The following SNX29 variants were observed in gnomAD, a reference collection of about 807,000 sequenced individuals.
The protein encoded by SNX29 is sorting nexin 29.
SNX29 carries 78 observed loss-of-function variants against 102.1 expected under a neutral mutation model. The observed-to-expected ratio is 0.76, with a 90% CI of 0.64 to 0.92. SNX29 has a LOEUF of 0.92. Ranked by LOEUF, SNX29 falls within the 40% of genes least tolerant of loss-of-function variation. The probability of loss-of-function intolerance (pLI) is 0.00; values close to 1 mark genes in which losing one functional copy is unlikely to be tolerated. For missense variants in SNX29, 1,280 were observed against 1,061.7 expected (o/e 1.21, Z -2.86); for synonymous variants, 580 against 414.5 (o/e 1.40, Z -4.85).
chr16:12,355,869 A>G (rs1325667690), intron 15 of SNX29, among the ~76,000 whole-genome samples: 1 of 127,090 alleles, frequency 7.9e-6, no homozygotes, highest in East Asian at 2.2e-4. Flanking sequence ...AAAAAAAAAA[A>G]AAAAAAAGAG....
At chr16:12,533,743 A>G (rs1352888644) in intron 20 of SNX29, among the ~76,000 whole-genome samples, 1 of 152,070 alleles carries the variant, frequency 6.6e-6, no homozygotes, top group Non-Finnish European at 1.5e-5. Flanking sequence ...GGGTCATATA[A>G]GTGAATTAAG....
Position 12,259,222 on chromosome 16 carries a change from CCTT to C in SNX29, c.1679-18708_1679-18706del, listed in dbSNP as rs1431428378. The stretch of plus-strand genomic sequence containing the variant: ...ATATCGTTCCGATTTGTCAAGGTCT[CCTT>C]CTCAACGTGGGGAAAAAAAATGCAC... On this transcript the variant is annotated intron_variant, in intron 14 of 20. Transcript: ENST00000566228. Among the ~76,000 whole-genome samples, 23 of 152,318 alleles carry C rather than the reference CCTT, an allele frequency of 1.5e-4. 2 individuals carry two copies. Among genetic ancestry groups the C allele is most frequent in the Admixed American group, 1.4e-3 (21 of 15,302 alleles).
intron 14 of SNX29, among the ~76,000 whole-genome samples, chr16:12,249,789 G>T (rs576480105): frequency 6.6e-6 from 1 of 152,196 alleles, no homozygotes; most frequent in East Asian, 1.9e-4. Context: ...CACTGTATAC[G>T]CTACTGGGTG....
At chr16:12,074,804 A>G (rs561923565) in intron 10 of SNX29, among the ~76,000 whole-genome samples, 74 of 152,290 alleles carry the variant, frequency 4.9e-4, no homozygotes, top group African/African-American at 1.5e-3. Flanking sequence ...AGGTACACCA[A>G]TCAGATGCAG....
At chr16:12,019,446 C>A (rs1164703636) in intron 3 of SNX29, among the ~76,000 whole-genome samples, 5 of 152,010 alleles carry the variant, frequency 3.3e-5, no homozygotes, top group Non-Finnish European at 7.4e-5. Context: ...ACCTCGTGAT[C>A]TGCCCGCCTC....
chr16:12,041,852 GAT>G (rs763134959), intron 4 of SNX29, among the ~76,000 whole-genome samples: 5 of 152,114 alleles, frequency 3.3e-5, no homozygotes, highest in Non-Finnish European at 7.4e-5. Context: ...TTAGGACGTC[GAT>G]ATGTTTGAGG....
intron 20 of SNX29, among the ~76,000 whole-genome samples, chr16:12,561,758 T>C (rs983151066): frequency 6.6e-6 from 1 of 152,094 alleles, no homozygotes; most frequent in Non-Finnish European, 1.5e-5. Context: ...GTTTCTGAAA[T>C]GAACACCAAA....
At chr16:12,345,907 G>C (rs2081786007) in intron 15 of SNX29, among the ~76,000 whole-genome samples, 1 of 152,162 alleles carries the variant, frequency 6.6e-6, no homozygotes, top group Non-Finnish European at 1.5e-5. Context: ...GTGGACAAAT[G>C]TGAATGTGGA....
chr16:12,382,235 A>T (rs1432632202), intron 16 of SNX29, among the ~76,000 whole-genome samples: 1 of 152,152 alleles, frequency 6.6e-6, no homozygotes, highest in East Asian at 1.9e-4. Flanking sequence ...GGGAAGTCGT[A>T]TTTCCCTGTT....
intron 14 of SNX29, among the ~76,000 whole-genome samples, chr16:12,247,150 G>T (rs192644425): frequency 6.6e-6 from 1 of 152,274 alleles, no homozygotes; most frequent in Admixed American, 6.5e-5. Flanking sequence ...CCTATACGAC[G>T]GGGAGAGAAT....
chr16:12,224,202 C>T (rs759043196), intron 14 of SNX29, among the ~76,000 whole-genome samples: 7 of 152,204 alleles, frequency 4.6e-5, no homozygotes, highest in Non-Finnish European at 7.3e-5. Context: ...CTTCAGGAGT[C>T]GAGTAGATGT....
At chr16:12,040,271 G>A (rs967330564) in intron 4 of SNX29, among the ~76,000 whole-genome samples, 36 of 152,094 alleles carry the variant, frequency 2.4e-4, no homozygotes, top group Non-Finnish European at 5.9e-5. Flanking sequence ...TCAGCTACTC[G>A]GGAGGCTGAG....
chr16:12,104,244 C>T (rs967659142), intron 11 of SNX29, among the ~76,000 whole-genome samples: 1 of 152,124 alleles, frequency 6.6e-6, no homozygotes, highest in Non-Finnish European at 1.5e-5. Flanking sequence ...GGCTATGGTT[C>T]TTTGAGGTCA....
intron 19 of SNX29, among the ~76,000 whole-genome samples, chr16:12,509,291 C>G (rs977072814): frequency 1.3e-5 from 2 of 152,150 alleles, no homozygotes; most frequent in African/African-American, 4.8e-5. Context: ...GGAAGGGCAC[C>G]AGGCATGCCA....
intron 15 of SNX29, among the ~76,000 whole-genome samples, chr16:12,301,771 G>A (rs1003670097): frequency 2.0e-5 from 3 of 152,178 alleles, no homozygotes; most frequent in African/African-American, 7.2e-5. Context: ...TAACATTCTG[G>A]TGTTTCTCTG....
chr16:12,508,287 C>T lies in SNX29; in HGVS notation c.2179-16415C>T, dbSNP rs566049460. 8.3e-4 allele frequency among the ~76,000 whole-genome samples: 127 copies of T among 152,200 alleles called. 1 individual carries two copies. Among genetic ancestry groups the T allele is most frequent in the Non-Finnish European group, 1.3e-3 (91 of 68,038 alleles). ...GGAGGGCGAGCTGGGCCCCATGCTT[C>T]CCAGCGTGTCTGGATTGTTTCTGTA... is the stretch of plus-strand genomic sequence containing the variant. On this transcript the variant is annotated intron_variant, in intron 19 of 20. Transcript: ENST00000566228.
chr16:12,239,784 C>T (rs986122193), intron 14 of SNX29, among the ~76,000 whole-genome samples: 4 of 151,410 alleles, frequency 2.6e-5, no homozygotes, highest in Non-Finnish European at 4.4e-5. Context: ...CATGCCACTG[C>T]ACTCCAGCAT....
intron 3 of SNX29, among the ~76,000 whole-genome samples, chr16:12,018,444 G>A (rs1204269016): frequency 2.0e-5 from 3 of 151,230 alleles, no homozygotes; most frequent in Non-Finnish European, 4.4e-5. Context: ...TCAGCCGGGC[G>A]TGGTGGTGGG....
chr16:12,462,303 G>T (rs902228264), intron 18 of SNX29, among the ~76,000 whole-genome samples: 4 of 151,872 alleles, frequency 2.6e-5, no homozygotes, highest in African/African-American at 9.7e-5. Flanking sequence ...TTCATTTTGG[G>T]ATGTGACTTG....
Sources: gnomAD v4.1 joint callset for allele counts (sites outside exome capture counted in the v4.1 genomes callset) on GRCh38, gnomAD v4.1.1 for gene constraint, MANE v1.5 for transcripts, NCBI Gene and HGNC (gene_info 2026-07-23, HGNC 2026-07-21) for gene names.